Variants in LIN28B observed in about 807,000 individuals in gnomAD.
LIN28B encodes the protein lin-28 RNA binding posttranscriptional regulator B.
In LIN28B, 5 loss-of-function variants were observed where a neutral mutation model predicts 21.9. That is an observed-to-expected ratio of 0.23 (90% CI 0.12 to 0.48). The LOEUF is 0.48. LIN28B is among the 20% of genes least tolerant of loss of function. The pLI, the probability that LIN28B is intolerant of heterozygous loss-of-function variation, is 0.98. For synonymous variants in LIN28B, 109 were observed against 111.3 expected (o/e 0.98, Z 0.13); for missense variants, 245 against 310.5 (o/e 0.79, Z 1.58).
At chr6:104,998,445 T>A (rs970207180) in intron 2 of LIN28B, among the ~76,000 whole-genome samples, 1 of 152,204 alleles carries the variant, frequency 6.6e-6, no homozygotes, top group East Asian at 1.9e-4. Context: ...TATAATAGTT[T>A]ATTGTTAAAA....
intron 3 of LIN28B, among the ~76,000 whole-genome samples, chr6:105,068,552 G>C (rs1319847931): frequency 6.6e-6 from 1 of 152,124 alleles, no homozygotes; most frequent in African/African-American, 2.4e-5. Context: ...GGTTCCATGA[G>C]ACCACAGGCT....
intron 2 of LIN28B, among the ~76,000 whole-genome samples, chr6:104,998,141 A>G (rs1770650373): frequency 1.3e-5 from 2 of 152,224 alleles, no homozygotes; most frequent in South Asian, 4.1e-4. Context: ...ATTAAAATAA[A>G]CATACCTAAT....
chr6:104,956,101 CT>C (rs1010698967), upstream of LIN28B, among the ~76,000 whole-genome samples: 25 of 152,030 alleles, frequency 1.6e-4, no homozygotes, highest in Admixed American at 1.5e-3. Context: ...ATGAATTTAC[CT>C]TTTTTCTCCC....
In LIN28B at chr6:104,966,502, G is replaced by A. The variant is rs901793434; in HGVS notation, c.198+8216G>A. Among the ~76,000 whole-genome samples, 13 of 151,980 alleles carry A rather than the reference G, an allele frequency of 8.6e-5. 1 individual carries two copies. The highest frequency in any genetic ancestry group is 2.1e-4 in the South Asian group (1 of 4,812). ...ACAGAGTATTGCTCTTGCTCAGGCT[G>A]GAGTGCAGTGGTGGGATCATGGCTC... On this transcript the variant is annotated intron_variant, in intron 2 of 3. Transcript: ENST00000345080.
rs1772510162 is a variant in LIN28B, at chr6:105,079,972, G to A, written c.*1189G>A. 6.6e-6 allele frequency: 1 copy of A among 152,208 alleles called. No individual in the cohort carries two copies. The highest frequency in any genetic ancestry group is 1.5e-5 in the Non-Finnish European group (1 of 68,032). 9.4% of individuals were successfully genotyped at this position (152,208 alleles called of 1,614,324 possible). A position where few individuals can be genotyped will look rare whatever the true frequency, so the allele number is the denominator to read the frequency against. On this transcript the variant is annotated 3_prime_UTR_variant, in exon 4 of 4. Coordinates refer to ENST00000345080, the MANE Select transcript of LIN28B (RefSeq NM_001004317.4). ...CAGCATTTAGTGGCAGTTAACAAGA[G>A]TGACAAGCCTGGGGCAGAGGTACCA...
chr6:105,077,873 GA>G (rs898646698), intron 3 of LIN28B, among the ~76,000 whole-genome samples: 10 of 152,090 alleles, frequency 6.6e-5, no homozygotes, highest in South Asian at 2.1e-4. Flanking sequence ...TTATACAAAG[GA>G]AAAAAATTTT....
chr6:105,021,456 A>G (rs1172777656), intron 2 of LIN28B, among the ~76,000 whole-genome samples: 4 of 152,310 alleles, frequency 2.6e-5, no homozygotes, highest in Non-Finnish European at 4.4e-5. Flanking sequence ...TGTTTTCTAT[A>G]AAGGTTGTAC....
At chr6:105,026,107 A>T (rs375830622) in intron 2 of LIN28B, among the ~76,000 whole-genome samples, 191 bp from the exon 3 acceptor site, 15 of 152,058 alleles carry the variant, frequency 9.9e-5, no homozygotes, top group Non-Finnish European at 1.9e-4. Flanking sequence ...TGCCTTAAAA[A>T]TTTTTTTCTC....
At chr6:105,016,629 G>T (rs1771033126) in intron 2 of LIN28B, among the ~76,000 whole-genome samples, 1 of 151,982 alleles carries the variant, frequency 6.6e-6, no homozygotes, top group Non-Finnish European at 1.5e-5. Flanking sequence ...TCTTTCCCTT[G>T]TTCCCCACCA....
At chr6:104,984,838 A>G (rs1266701829) in intron 2 of LIN28B, among the ~76,000 whole-genome samples, 3 of 152,242 alleles carry the variant, frequency 2.0e-5, no homozygotes, top group Non-Finnish European at 4.4e-5. Context: ...GCCGAATTAG[A>G]TAACAGTTTT....
Position 105,079,046 on chromosome 6 carries a change from A to G in LIN28B, c.*263A>G, listed in dbSNP as rs1399223424. 5.3e-6 allele frequency: 2 copies of G among 373,902 alleles called. No individual in the cohort carries two copies. Among genetic ancestry groups the G allele is most frequent in the Non-Finnish European group, 9.7e-6 (2 of 206,888 alleles). 23.2% of individuals were successfully genotyped at this position (373,902 alleles called of 1,614,324 possible). On this transcript the variant is annotated 3_prime_UTR_variant, in exon 4 of 4. Coordinates refer to ENST00000345080, the MANE Select transcript of LIN28B (RefSeq NM_001004317.4). The stretch of plus-strand genomic sequence containing the variant: ...GGAGAGAGCCTGAGTCTGTGTGTGT[A>G]CATGAGGATTTTTATATAGGAATGT...
At chr6:105,030,239 A>G (rs550387098) in intron 3 of LIN28B, among the ~76,000 whole-genome samples, 17 of 152,314 alleles carry the variant, frequency 1.1e-4, no homozygotes, top group African/African-American at 4.1e-4. Flanking sequence ...AGAAACTGAC[A>G]CCATGAGAAA....
At chr6:104,982,248 AG>A (rs1770240159) in intron 2 of LIN28B, among the ~76,000 whole-genome samples, 1 of 150,952 alleles carries the variant, frequency 6.6e-6, no homozygotes, top group African/African-American at 2.4e-5. Flanking sequence ...AGGGAGGCAG[AG>A]GTTGCGGTGA....
chr6:105,053,731 G>GTGTGTGTA (rs1177015833), intron 3 of LIN28B, among the ~76,000 whole-genome samples: 1 of 151,820 alleles, frequency 6.6e-6, no homozygotes, highest in African/African-American at 2.4e-5. Context: ...GTGTGTGTGT[G>GTGTGTGTA]TGTGTGTGTG....
At chr6:104,952,846 A>G (rs998042132), upstream of LIN28B, among the ~76,000 whole-genome samples, 17 of 152,214 alleles carry the variant, frequency 1.1e-4, no homozygotes, top group Non-Finnish European at 1.8e-4. Flanking sequence ...TTACCTCTGT[A>G]TAAAAATTCT....
chr6:105,029,182 C>G (rs1263603133), intron 3 of LIN28B, among the ~76,000 whole-genome samples: 1 of 152,132 alleles, frequency 6.6e-6, no homozygotes, highest in Non-Finnish European at 1.5e-5. Flanking sequence ...GAAGCAGAGA[C>G]AGCAAGTTTA....
At chr6:104,977,571 G>T (rs1481401681) in intron 2 of LIN28B, among the ~76,000 whole-genome samples, 2 of 151,056 alleles carry the variant, frequency 1.3e-5, no homozygotes, top group Non-Finnish European at 3.0e-5. Flanking sequence ...TTCTCTTTTT[G>T]TTGTTGTTGT....
At chr6:104,948,907 T>TA (rs913285343) in intron 2 of LIN28B, among the ~76,000 whole-genome samples, 3 of 152,076 alleles carry the variant, frequency 2.0e-5, no homozygotes, top group Non-Finnish European at 2.9e-5. Context: ...ATTGGCTTTT[T>TA]AAAAAAAACT....
At chr6:104,988,028 G>A (rs775948894) in intron 2 of LIN28B, among the ~76,000 whole-genome samples, 1 of 152,174 alleles carries the variant, frequency 6.6e-6, no homozygotes, top group African/African-American at 2.4e-5. Context: ...ACAGGCATGA[G>A]CCACTGTTCC....
Sources: gnomAD v4.1 joint callset for allele counts (sites outside exome capture counted in the v4.1 genomes callset) on GRCh38, gnomAD v4.1.1 for gene constraint, MANE v1.5 for transcripts, NCBI Gene and HGNC (gene_info 2026-07-23, HGNC 2026-07-21) for gene names.